The following MAML3 variants were observed in gnomAD, a reference collection of about 807,000 sequenced individuals.
MAML3 encodes the protein mastermind like transcriptional coactivator 3.
In MAML3, 27 loss-of-function variants were observed where a neutral mutation model predicts 101.9. The observed-to-expected ratio is 0.27, with a 90% CI of 0.20 to 0.37. The LOEUF (loss-of-function observed/expected upper bound fraction) is 0.37, where lower values mean the gene tolerates loss of function less well. MAML3 is among the 10% of genes least tolerant of loss of function. The pLI is 1.00. For missense variants in MAML3, 1,316 were observed against 1,444.9 expected (o/e 0.91, Z 1.45); for synonymous variants, 501 against 555.9 (o/e 0.90, Z 1.39).
At chr4:139,812,447 T>C (rs1730822488) in intron 2 of MAML3, among the ~76,000 whole-genome samples, 1 of 152,128 alleles carries the variant, frequency 6.6e-6, no homozygotes. Flanking sequence ...CCTAAAAGGG[T>C]TGGTGGTTTT....
At chr4:139,724,466 A>C (rs559702035) in intron 4 of MAML3, among the ~76,000 whole-genome samples, 13 of 152,318 alleles carry the variant, frequency 8.5e-5, no homozygotes, top group Non-Finnish European at 2.9e-5. Context: ...GCTACCTTAG[A>C]TCAGAAAATT....
At chr4:139,837,807 T>C (rs28633268) in intron 2 of MAML3, among the ~76,000 whole-genome samples, 5,350 of 149,814 alleles carry the variant, frequency 0.036, 106 homozygotes, top group Middle Eastern at 0.068. Context: ...GTAATCCCAG[T>C]TACTTGGGAG....
At chr4:139,862,642 A>T (rs958892895) in intron 2 of MAML3, among the ~76,000 whole-genome samples, 9 of 152,176 alleles carry the variant, frequency 5.9e-5, no homozygotes, top group Non-Finnish European at 1.3e-4. Context: ...CCTCTTCACT[A>T]TCTCTGTAGC....
chr4:139,784,138 A>T lies in MAML3; in HGVS notation c.2080-53471T>A, dbSNP rs960635360. Among the ~76,000 whole-genome samples, 7 of 152,228 alleles carry T rather than the reference A, an allele frequency of 4.6e-5. No individual in the cohort carries two copies. The East Asian group carries it at 1.3e-3, about 29-fold the overall frequency. On this transcript the variant is annotated intron_variant, in intron 2 of 4. Transcript: ENST00000509479. ...CCCTTGGTTCTGAAATGCAAGGAAA[A>T]TGGCTAGCAAAACAAGCGAGCCTTT...
chr4:139,719,511 G>A lies in MAML3; in HGVS notation c.3229C>T (p.Pro1077Ser), dbSNP rs1485080618. The A allele has an allele frequency of 1.9e-6, 3 of 1,613,934 alleles. No homozygotes were observed. Among genetic ancestry groups the A allele is most frequent in the East Asian group, 4.5e-5 (2 of 44,872 alleles). The change falls in exon 5 of 5, where the codon CCA (proline) becomes TCA (serine). Residue 1077 changes from proline (P) to serine (S), a missense_variant. Coordinates refer to ENST00000509479, the MANE Select transcript of MAML3 (RefSeq NM_018717.5). The stretch of plus-strand genomic sequence containing the variant: ...TCATAGGCTTGGCTCTGGCTGCTTG[G>A]AGCAAAGCTGCCACTGGGTATCTGC... ...QQQIPSGSFAPSSQSQAYERN... is the reference protein window; with the variant it reads ...QQQIPSGSFASSSQSQAYERN...
At chr4:140,131,434 C>A (rs977946895) in intron 1 of MAML3, among the ~76,000 whole-genome samples, 1 of 152,096 alleles carries the variant, frequency 6.6e-6, no homozygotes, top group South Asian at 2.1e-4. Flanking sequence ...GCTACTTCTG[C>A]TATAGAACTT....
At chr4:139,959,400 T>C (rs954756994) in intron 1 of MAML3, among the ~76,000 whole-genome samples, 1 of 152,138 alleles carries the variant, frequency 6.6e-6, no homozygotes, top group Non-Finnish European at 1.5e-5. Context: ...AAGGCTTCCA[T>C]AGCACTTTAG....
chr4:140,031,137 G>GA (rs1311797476), intron 1 of MAML3, among the ~76,000 whole-genome samples: 1 of 151,916 alleles, frequency 6.6e-6, no homozygotes, highest in East Asian at 1.9e-4. Flanking sequence ...CACTATATTA[G>GA]AAAAAAATTT....
At chr4:139,947,629 T>A (rs574553218) in intron 1 of MAML3, among the ~76,000 whole-genome samples, 1 of 152,216 alleles carries the variant, frequency 6.6e-6, no homozygotes, top group East Asian at 1.9e-4. Flanking sequence ...TGGGGCTTAA[T>A]TAACCTTTTA....
chr4:139,848,887 C>A (rs1209974421), intron 2 of MAML3, among the ~76,000 whole-genome samples: 1 of 152,122 alleles, frequency 6.6e-6, no homozygotes, highest in African/African-American at 2.4e-5. Context: ...CAAATGTATT[C>A]TTTGGCCATG....
chr4:140,045,481 T>G (rs1434519803), intron 1 of MAML3, among the ~76,000 whole-genome samples: 1 of 152,028 alleles, frequency 6.6e-6, no homozygotes. Context: ...TTGCAATCAA[T>G]GTATTGGGAC....
intron 2 of MAML3, among the ~76,000 whole-genome samples, chr4:139,863,728 C>T (rs1731832001): frequency 6.6e-6 from 1 of 151,672 alleles, no homozygotes; most frequent in African/African-American, 2.4e-5. Flanking sequence ...ACACTCAGAA[C>T]ATAAAATGCT....
intron 1 of MAML3, among the ~76,000 whole-genome samples, chr4:140,136,840 T>G (rs949766555): frequency 5.9e-5 from 9 of 152,202 alleles, no homozygotes; most frequent in African/African-American, 1.9e-4. Context: ...ACAATGATGC[T>G]AAGAAAGAGG....
At chr4:139,926,484 C>T (rs1224715670) in intron 1 of MAML3, among the ~76,000 whole-genome samples, 1 of 152,152 alleles carries the variant, frequency 6.6e-6, no homozygotes. Flanking sequence ...CCTGTAGTCC[C>T]AGCTACTCGG....
At chr4:140,039,078 G>A (rs184333961) in intron 1 of MAML3, among the ~76,000 whole-genome samples, 71 of 152,162 alleles carry the variant, frequency 4.7e-4, no homozygotes, top group South Asian at 6.2e-4. Context: ...GAGATCGATC[G>A]TGCCACTGCA....
At chr4:139,962,802 C>A (rs1734044953) in intron 1 of MAML3, among the ~76,000 whole-genome samples, 2 of 152,080 alleles carry the variant, frequency 1.3e-5, no homozygotes, top group Non-Finnish European at 2.9e-5. Flanking sequence ...TAAAAGCAAG[C>A]TTTTAGAAGT....
At chr4:139,931,572 C>A (rs1733394821) in intron 1 of MAML3, among the ~76,000 whole-genome samples, 1 of 152,186 alleles carries the variant, frequency 6.6e-6, no homozygotes, top group African/African-American at 2.4e-5. Context: ...GTTCCTGACA[C>A]TAGTTTAGGA....
At chr4:139,859,631 T>G (rs1294010693) in intron 2 of MAML3, among the ~76,000 whole-genome samples, 1 of 152,302 alleles carries the variant, frequency 6.6e-6, no homozygotes, top group Admixed American at 6.5e-5. Flanking sequence ...ATCTACTAAG[T>G]GCTAGGAACT....
At chr4:140,111,993 CTGATGTTTCGTCA>C (rs2111012360) in intron 1 of MAML3, among the ~76,000 whole-genome samples, 1 of 152,258 alleles carries the variant, frequency 6.6e-6, no homozygotes, top group African/African-American at 2.4e-5. Context: ...TCTGGTTCAT[CTGATGTTTCGTCA>C]TGATTAGACT....
Sources: allele counts gnomAD v4.1 joint callset (sites outside exome capture counted in the v4.1 genomes callset), GRCh38; gene constraint gnomAD v4.1.1; transcripts MANE v1.5; gene names NCBI Gene and HGNC (gene_info 2026-07-23, HGNC 2026-07-21).